STK39: variants seen among roughly 807,000 people sequenced by gnomAD.
STK39 encodes the protein STE20/SPS1-related proline-alanine-rich protein kinase.
Under a neutral mutation model 77.8 loss-of-function variants are expected in STK39, and 20 were observed. That is an observed-to-expected ratio of 0.26 (90% CI 0.18 to 0.37). The LOEUF is 0.37. STK39 is among the 10% of genes least tolerant of loss of function. The pLI, the probability that STK39 is intolerant of heterozygous loss-of-function variation, is 1.00. For missense variants in STK39, 479 were observed against 656.5 expected (o/e 0.73, Z 2.95); for synonymous variants, 246 against 234.1 (o/e 1.05, Z -0.47).
intron 12 of STK39, among the ~76,000 whole-genome samples, chr2:168,070,341 A>G (rs1200188079): frequency 6.6e-6 from 1 of 152,204 alleles, no homozygotes; most frequent in Non-Finnish European, 1.5e-5. Context: ...ACTGGCTTCC[A>G]TCAACCAAGT....
intron 14 of STK39, among the ~76,000 whole-genome samples, chr2:168,061,260 C>T (rs1019796522): frequency 1.4e-5 from 2 of 145,958 alleles, no homozygotes; most frequent in African/African-American, 2.5e-5. Context: ...AAAAAAACCA[C>T]ATTATCTTAA....
chr2:168,078,564 G>A (rs894249308), intron 10 of STK39, among the ~76,000 whole-genome samples: 2 of 152,180 alleles, frequency 1.3e-5, no homozygotes, highest in Non-Finnish European at 2.9e-5. Context: ...ACACAGGAAT[G>A]GGGAGGAAGG....
At chr2:168,219,373 A>G (rs943448739) in intron 1 of STK39, among the ~76,000 whole-genome samples, 3 of 152,106 alleles carry the variant, frequency 2.0e-5, no homozygotes, top group African/African-American at 7.2e-5. Context: ...TCAAAAGCCT[A>G]GCAGAATACA....
intron 16 of STK39, among the ~76,000 whole-genome samples, chr2:168,005,001 T>A (rs112329093): frequency 2.4e-5 from 1 of 42,540 alleles, no homozygotes; most frequent in Admixed American, 3.0e-4. Flanking sequence ...GGCCCTCTTT[T>A]TTTTTTTTTT....
chr2:167,975,710 A>C (rs1683259266), intron 16 of STK39, among the ~76,000 whole-genome samples: 1 of 152,166 alleles, frequency 6.6e-6, no homozygotes, highest in Non-Finnish European at 1.5e-5. Flanking sequence ...GCTACTTGGG[A>C]GGCTTAGGCA....
At chr2:168,016,300 C>A (rs1684400890) in intron 15 of STK39, among the ~76,000 whole-genome samples, 2 of 141,040 alleles carry the variant, frequency 1.4e-5, no homozygotes, top group Non-Finnish European at 3.0e-5. Flanking sequence ...GAAATCTTTG[C>A]ATTTACAGAA....
intron 12 of STK39, among the ~76,000 whole-genome samples, chr2:168,071,865 A>T (rs1472860654): frequency 7.1e-6 from 1 of 140,714 alleles, no homozygotes; most frequent in Non-Finnish European, 1.6e-5. Context: ...GTGAGACTCC[A>T]TCTCAAAAAA....
At chr2:168,037,192 G>T (rs1280665404) in intron 14 of STK39, among the ~76,000 whole-genome samples, 1 of 151,946 alleles carries the variant, frequency 6.6e-6, no homozygotes, top group African/African-American at 2.4e-5. Flanking sequence ...TGTCCACCTG[G>T]GTATTTTGAG....
At chr2:168,114,724 A>T (rs1203412078) in intron 10 of STK39, among the ~76,000 whole-genome samples, 3 of 152,214 alleles carry the variant, frequency 2.0e-5, no homozygotes, top group Non-Finnish European at 4.4e-5. Flanking sequence ...CCTTGAGTGT[A>T]GGCACTGGTC....
At chr2:168,113,894 A>T (rs1236533276) in intron 10 of STK39, among the ~76,000 whole-genome samples, 1 of 152,244 alleles carries the variant, frequency 6.6e-6, no homozygotes, top group Non-Finnish European at 1.5e-5. Context: ...GAGACCCCAT[A>T]GAAATAACAT....
At chr2:168,136,106 T>A (rs111691124) in intron 8 of STK39, among the ~76,000 whole-genome samples, 12 of 151,964 alleles carry the variant, frequency 7.9e-5, no homozygotes, top group East Asian at 1.9e-4. Context: ...CGGTAGCTCA[T>A]GCCTGTAATC....
At chr2:168,246,734 A>G (rs372063662) in intron 1 of STK39, among the ~76,000 whole-genome samples, 1 of 150,518 alleles carries the variant, frequency 6.6e-6, no homozygotes, top group African/African-American at 2.4e-5. Flanking sequence ...ACCCACGACG[A>G]GAGGGTCACG....
At chr2:168,240,467 A>G (rs1690730392) in intron 1 of STK39, among the ~76,000 whole-genome samples, 1 of 152,216 alleles carries the variant, frequency 6.6e-6, no homozygotes, top group South Asian at 2.1e-4. Flanking sequence ...CCTGAACTAA[A>G]CCAGTGGTGG....
intron 14 of STK39, among the ~76,000 whole-genome samples, chr2:168,048,672 C>G (rs1421546628): frequency 6.6e-6 from 1 of 152,206 alleles, no homozygotes; most frequent in Non-Finnish European, 1.5e-5. Context: ...CCGAACCACT[C>G]AAGCCTCCAA....
intron 16 of STK39, among the ~76,000 whole-genome samples, chr2:167,967,735 TC>T (rs1344458226): frequency 6.6e-6 from 1 of 152,218 alleles, no homozygotes; most frequent in Non-Finnish European, 1.5e-5. Context: ...TCAGGCATTC[TC>T]CAGACACTGT....
At chr2:167,967,023 G>A (rs776249058) in intron 16 of STK39, among the ~76,000 whole-genome samples, 8 of 152,080 alleles carry the variant, frequency 5.3e-5, no homozygotes, top group East Asian at 1.9e-4. Context: ...AAATAAAAAC[G>A]CTCCTTACCT....
chr2:168,225,642 A>C (rs974045793), intron 1 of STK39, among the ~76,000 whole-genome samples: 1 of 152,210 alleles, frequency 6.6e-6, no homozygotes, highest in Admixed American at 6.5e-5. Context: ...TTATTTATTG[A>C]CTCAAAACAA....
intron 15 of STK39, among the ~76,000 whole-genome samples, chr2:168,015,780 T>C (rs1368592477): frequency 6.6e-6 from 1 of 152,246 alleles, no homozygotes; most frequent in Non-Finnish European, 1.5e-5. Flanking sequence ...TATCACAGCA[T>C]GGCCTGGTCA....
chr2:167,995,126 T>C (rs1683801255), intron 16 of STK39, among the ~76,000 whole-genome samples: 1 of 151,880 alleles, frequency 6.6e-6, no homozygotes, highest in South Asian at 2.1e-4. Context: ...TTTTTTGTTT[T>C]TGAGACAGAG....
Sources: allele counts gnomAD v4.1 joint callset (sites outside exome capture counted in the v4.1 genomes callset), GRCh38; gene constraint gnomAD v4.1.1; transcripts MANE v1.5; gene names NCBI Gene and HGNC (gene_info 2026-07-23, HGNC 2026-07-21).